AUTS2: variants seen among roughly 807,000 people sequenced by gnomAD.
AUTS2 encodes activator of transcription and developmental regulator AUTS2, also known as autism susceptibility gene 2 protein.
A neutral mutation model predicts 112.4 loss-of-function variants in AUTS2; 17 were observed. The ratio of observed to expected loss-of-function variants is 0.15; its 90% CI spans 0.10 to 0.23. AUTS2 has a LOEUF of 0.23. AUTS2 is among the 10% of genes least tolerant of loss of function. AUTS2 has a pLI of 1.00. For missense variants in AUTS2, 1,510 were observed against 1,701.6 expected (o/e 0.89, Z 1.98); for synonymous variants, 751 against 702.7 (o/e 1.07, Z -1.09).
intron 5 of AUTS2, among the ~76,000 whole-genome samples, chr7:70,621,970 G>A (rs139356013): frequency 1.7e-3 from 248 of 144,106 alleles, no homozygotes; most frequent in African/African-American, 5.4e-3. Flanking sequence ...CCTCAGCCTC[G>A]CGAGTAACTG....
At chr7:70,516,275 C>G (rs1325067065) in intron 5 of AUTS2, among the ~76,000 whole-genome samples, 3 of 152,152 alleles carry the variant, frequency 2.0e-5, no homozygotes, top group African/African-American at 4.8e-5. Flanking sequence ...TGCCCCCCTC[C>G]TCCTTCCACA....
intron 1 of AUTS2, among the ~76,000 whole-genome samples, chr7:69,863,017 A>G (rs1423570527): frequency 6.6e-6 from 1 of 152,124 alleles, no homozygotes; most frequent in Non-Finnish European, 1.5e-5. Flanking sequence ...CTACCCCATC[A>G]TACCACACAT....
chr7:69,859,459 A>G (rs546110562), intron 1 of AUTS2, among the ~76,000 whole-genome samples: 2 of 152,150 alleles, frequency 1.3e-5, no homozygotes, highest in South Asian at 4.1e-4. Context: ...AAGATGACAA[A>G]CAGAGAGACT....
Position 70,408,053 on chromosome 7 carries a change from C to CAA in AUTS2, c.661-27682_661-27681dup, listed in dbSNP as rs1279422141. Among the ~76,000 whole-genome samples, 6 of 58,584 alleles carry CAA rather than the reference C, an allele frequency of 1.0e-4. No individual in the cohort carries two copies. In the East Asian group the frequency reaches 1.9e-3, roughly 19 times the overall value. The allele number at this position is 58,584 out of a possible 152,430, so 38.4% of individuals were successfully genotyped here. A position where few individuals can be genotyped will look rare whatever the true frequency, so the allele number is the denominator to read the frequency against. On this transcript the variant is annotated intron_variant, in intron 4 of 18. Transcript: ENST00000342771. Reference sequence around the variant, plus strand: ...TGGGCGACAGAGCGAGACTCCATCTCAAAAAAAAAAAAAAAAAAGTCAGAA... The same window carrying CAA: ...TGGGCGACAGAGCGAGACTCCATCTCAAAAAAAAAAAAAAAAAAAAGTCAGAA...
intron 5 of AUTS2, among the ~76,000 whole-genome samples, chr7:70,471,904 A>T (rs1288055619): frequency 1.3e-5 from 2 of 151,992 alleles, no homozygotes; most frequent in Non-Finnish European, 2.9e-5. Flanking sequence ...AGTGTGTGTG[A>T]GGAATAGCAA....
At chr7:69,958,175 A>G (rs1183543092) in intron 2 of AUTS2, among the ~76,000 whole-genome samples, 2 of 152,124 alleles carry the variant, frequency 1.3e-5, no homozygotes, top group African/African-American at 4.8e-5. Flanking sequence ...CCACCGGCCA[A>G]TCCCGACCTG....
chr7:70,528,391 G>A (rs972853174), intron 5 of AUTS2, among the ~76,000 whole-genome samples: 1 of 152,178 alleles, frequency 6.6e-6, no homozygotes, highest in Non-Finnish European at 1.5e-5. Flanking sequence ...TACTGACTCT[G>A]ACTTCAGAGG....
chr7:70,095,290 G>C (rs943161929), intron 2 of AUTS2, among the ~76,000 whole-genome samples: 1 of 152,124 alleles, frequency 6.6e-6, no homozygotes, highest in East Asian at 1.9e-4. Context: ...GTGCGCTCAC[G>C]TGTGCGTGTG....
chr7:70,383,011 C>T (rs1224934900), intron 4 of AUTS2, among the ~76,000 whole-genome samples: 1 of 152,180 alleles, frequency 6.6e-6, no homozygotes, highest in Admixed American at 6.5e-5. Flanking sequence ...TTTTCCAGAA[C>T]TGAGATCAAA....
intron 2 of AUTS2, among the ~76,000 whole-genome samples, chr7:69,929,338 T>G (rs967299541): frequency 6.6e-6 from 1 of 152,128 alleles, no homozygotes; most frequent in Non-Finnish European, 1.5e-5. Flanking sequence ...TGCCTTACCC[T>G]AGTTTCCTTC....
At chr7:69,888,624 C>CAGGCTGG (rs1794387851) in intron 1 of AUTS2, among the ~76,000 whole-genome samples, 1 of 150,256 alleles carries the variant, frequency 6.7e-6, no homozygotes, top group Non-Finnish European at 1.5e-5. Context: ...CTCTGTCACC[C>CAGGCTGG]AGGCTGGAGT....
chr7:70,509,289 G>A (rs1339800657), intron 5 of AUTS2, among the ~76,000 whole-genome samples: 3 of 152,166 alleles, frequency 2.0e-5, no homozygotes, highest in Non-Finnish European at 4.4e-5. Context: ...GAGAGACTTG[G>A]GAATCCCATA....
At chr7:70,010,433 A>G (rs1799746492) in intron 2 of AUTS2, among the ~76,000 whole-genome samples, 1 of 152,300 alleles carries the variant, frequency 6.6e-6, no homozygotes, top group Non-Finnish European at 1.5e-5. Flanking sequence ...AGCATAAGGC[A>G]CTACGCCTGG....
chr7:69,934,301 G>A (rs1007002716), intron 2 of AUTS2, among the ~76,000 whole-genome samples: 1 of 152,164 alleles, frequency 6.6e-6, no homozygotes, highest in Non-Finnish European at 1.5e-5. Flanking sequence ...TAGAAAGAGC[G>A]AGATCTCATA....
intron 1 of AUTS2, among the ~76,000 whole-genome samples, chr7:69,865,645 T>C (rs956024845): frequency 1.8e-4 from 28 of 152,358 alleles, no homozygotes; most frequent in Admixed American, 1.8e-3. Context: ...GCTTTATCCA[T>C]ATCTTGTGCC....
intron 5 of AUTS2, among the ~76,000 whole-genome samples, chr7:70,589,145 C>A (rs897016374): frequency 6.6e-6 from 1 of 152,242 alleles, no homozygotes; most frequent in South Asian, 2.1e-4. Flanking sequence ...TAGCACTGGC[C>A]TCCTGGTGGC....
chr7:70,041,916 C>T (rs1403895925), intron 2 of AUTS2, among the ~76,000 whole-genome samples: 2 of 151,822 alleles, frequency 1.3e-5, no homozygotes, highest in African/African-American at 4.8e-5. Context: ...TTTTGGTAAC[C>T]TGGAAAATTT....
At chr7:69,961,319 G>T (rs115810873) in intron 2 of AUTS2, among the ~76,000 whole-genome samples, 1 of 152,184 alleles carries the variant, frequency 6.6e-6, no homozygotes, top group African/African-American at 2.4e-5. Context: ...GATAAGTTCT[G>T]AAGTCTAAGG....
At position 70,152,196 on chromosome 7, in the gene AUTS2, A is replaced by G. The variant is rs77803309; in HGVS notation, c.660+17625A>G. Among the ~76,000 whole-genome samples the G allele has an allele frequency of 2.9e-3, 449 of 152,280 alleles. 5 individuals carry two copies. Among genetic ancestry groups the G allele is most frequent in the African/African-American group, 0.01 (435 of 41,574 alleles). ...CAGAGCATCCGTGAGCTGTGTGAAA[A>G]CTTCATACAGTCTAATGCATGTAAA... On this transcript the variant is annotated intron_variant, in intron 4 of 18. Transcript: ENST00000342771.
Sources: allele counts gnomAD v4.1 joint callset (sites outside exome capture counted in the v4.1 genomes callset), GRCh38; gene constraint gnomAD v4.1.1; transcripts MANE v1.5; gene names NCBI Gene and HGNC (gene_info 2026-07-23, HGNC 2026-07-21).